Variants in SLIT3 observed in about 807,000 individuals in gnomAD.
The protein encoded by SLIT3 is slit homolog 3 protein.
SLIT3 carries 68 observed loss-of-function variants against 184.0 expected under a neutral mutation model. The ratio of observed to expected loss-of-function variants is 0.37; its 90% confidence interval spans 0.30 to 0.45. The LOEUF is 0.45. Among genes scored for constraint, SLIT3 ranks in the 20% least tolerant of loss-of-function variants. SLIT3 has a pLI of 1.00. For missense variants in SLIT3, 1,707 were observed against 2,026.0 expected, an observed-to-expected ratio of 0.84 and a Z score of 3.02; for synonymous variants, 831 against 828.6, an observed-to-expected ratio of 1.00 and a Z score of -0.05.
chr5:169,170,626 A>C (rs1335277343), intron 4 of SLIT3, among the ~76,000 whole-genome samples: 1 of 152,200 alleles, frequency 6.6e-6, no homozygotes, highest in Non-Finnish European at 1.5e-5. Flanking sequence ...CTTAGAGGAC[A>C]CCAAACCCTG....
At chr5:168,895,280 T>C (rs10069198) in intron 4 of SLIT3, among the ~76,000 whole-genome samples, 132,413 of 152,066 alleles carry the variant, frequency 0.87, 59,115 homozygotes, top group Non-Finnish European at 0.96. Context: ...TCTGTTCCAC[T>C]GAGGAAACAT....
At chr5:168,985,498 G>T (rs1755091652) in intron 4 of SLIT3, among the ~76,000 whole-genome samples, 1 of 152,178 alleles carries the variant, frequency 6.6e-6, no homozygotes, top group Admixed American at 6.5e-5. Flanking sequence ...CTGAGTGGTT[G>T]ACTGCTTGCC....
chr5:168,929,825 G>A (rs1030787161), intron 4 of SLIT3, among the ~76,000 whole-genome samples: 5 of 152,226 alleles, frequency 3.3e-5, no homozygotes, highest in South Asian at 2.1e-4. Context: ...TATGGGCCAC[G>A]GGGACATGGC....
At chr5:169,080,679 C>T (rs1410821267) in intron 4 of SLIT3, among the ~76,000 whole-genome samples, 1 of 152,162 alleles carries the variant, frequency 6.6e-6, no homozygotes, top group Non-Finnish European at 1.5e-5. Flanking sequence ...CCATCAGCCA[C>T]TCTACCATAC....
In SLIT3 at chr5:168,898,719, T is replaced by C. The variant is rs552820140; in HGVS notation, c.414-15383A>G. Among the ~76,000 whole-genome samples, 5 of 152,280 alleles carry C rather than the reference T, an allele frequency of 3.3e-5. No individual in the cohort carries two copies. In the South Asian group the frequency reaches 1.0e-3, roughly 32 times the overall value. On this transcript the variant is annotated intron_variant, in intron 4 of 35. Transcript: ENST00000519560. ...TTTTTGGAGAATGTATATAAAGTAATGGGGCCTATAATGGCTTGGCTTTGT... is the reference window on the plus strand; with the variant it reads ...TTTTTGGAGAATGTATATAAAGTAACGGGGCCTATAATGGCTTGGCTTTGT...
intron 4 of SLIT3, among the ~76,000 whole-genome samples, chr5:168,974,889 C>T (rs1754695919): frequency 6.6e-6 from 1 of 152,226 alleles, no homozygotes; most frequent in Non-Finnish European, 1.5e-5. Flanking sequence ...CATATTAGCA[C>T]ACCCCGGAGA....
chr5:169,128,854 T>C (rs911355128), intron 4 of SLIT3, among the ~76,000 whole-genome samples: 6 of 152,148 alleles, frequency 3.9e-5, no homozygotes, highest in African/African-American at 1.4e-4. Context: ...GGTGACAGCA[T>C]TGCACACTCC....
chr5:168,992,660 C>T (rs1755368106), intron 4 of SLIT3, among the ~76,000 whole-genome samples: 1 of 152,166 alleles, frequency 6.6e-6, no homozygotes, highest in African/African-American at 2.4e-5. Context: ...GCCTGGAGGG[C>T]ACCCATTTCC....
rs373632431 is a variant in SLIT3, at chr5:169,154,638, A to G, written c.413+38841T>C. 1.6e-3 allele frequency among the ~76,000 whole-genome samples: 242 copies of G among 152,368 alleles called. 1 individual carries two copies. Among genetic ancestry groups the G allele is most frequent in the African/African-American group, 5.7e-3 (236 of 41,588 alleles). Reference sequence around the variant, plus strand: ...CTCAATCACTTTATTCCTCATTAATAAAGTCAAGACAGCTTCATGGAATTA... The same window carrying G: ...CTCAATCACTTTATTCCTCATTAATGAAGTCAAGACAGCTTCATGGAATTA... On this transcript the variant is annotated intron_variant, in intron 4 of 35. Coordinates refer to ENST00000519560, the MANE Select transcript of SLIT3 (RefSeq NM_003062.4).
chr5:168,989,780 C>T (rs995868143), intron 4 of SLIT3, among the ~76,000 whole-genome samples: 1 of 152,192 alleles, frequency 6.6e-6, no homozygotes, highest in Non-Finnish European at 1.5e-5. Flanking sequence ...TCTGGATTTT[C>T]ACCCCAATGA....
At chr5:168,677,581 T>TG (rs1305805156) in intron 32 of SLIT3, among the ~76,000 whole-genome samples, 2 of 152,256 alleles carry the variant, frequency 1.3e-5, no homozygotes, top group Non-Finnish European at 2.9e-5. Context: ...CCCAAGTAGC[T>TG]GGGATTACAG....
chr5:169,256,437 T>C (rs963023351), intron 1 of SLIT3, among the ~76,000 whole-genome samples: 3 of 152,212 alleles, frequency 2.0e-5, no homozygotes, highest in African/African-American at 7.2e-5. Context: ...ATATCTCCTA[T>C]GTGTGTAGTA....
intron 4 of SLIT3, among the ~76,000 whole-genome samples, chr5:169,078,079 G>A (rs1003173755): frequency 6.6e-6 from 1 of 152,018 alleles, no homozygotes; most frequent in Non-Finnish European, 1.5e-5. Context: ...ATGATCTGGG[G>A]CCTTGTGTTC....
chr5:168,770,988 GC>G (rs1213952204), intron 14 of SLIT3, among the ~76,000 whole-genome samples: 1 of 150,982 alleles, frequency 6.6e-6, no homozygotes, highest in Non-Finnish European at 1.5e-5. Context: ...CTCTTTCCCT[GC>G]TGTGCCACGC....
intron 4 of SLIT3, among the ~76,000 whole-genome samples, chr5:168,899,403 A>C (rs1760790521): frequency 6.6e-6 from 1 of 152,180 alleles, no homozygotes; most frequent in Non-Finnish European, 1.5e-5. Flanking sequence ...AGTCCCAGCT[A>C]CTTGGGAGGC....
At chr5:169,183,464 C>A (rs1763236007) in intron 4 of SLIT3, among the ~76,000 whole-genome samples, 1 of 152,146 alleles carries the variant, frequency 6.6e-6, no homozygotes, top group African/African-American at 2.4e-5. Context: ...TCCTTTCTTG[C>A]AGTGAGGGAT....
At chr5:168,783,090 A>G (rs562324594) in intron 12 of SLIT3, among the ~76,000 whole-genome samples, 3 of 152,304 alleles carry the variant, frequency 2.0e-5, no homozygotes, top group South Asian at 4.1e-4. Context: ...GAGAGCGTGC[A>G]TGAGAGGGAT....
chr5:168,749,392 AGTATCTG>A, intron 19 of SLIT3, 73 bp downstream of exon 19: 2 of 1,506,756 alleles, frequency 1.3e-6, no homozygotes, highest in Non-Finnish European at 1.8e-6. Flanking sequence ...GATCTCAGGG[AGTATCTG>A]ATTGTGCATC....
chr5:168,908,500 T>C (rs901241917), intron 4 of SLIT3, among the ~76,000 whole-genome samples: 1 of 152,158 alleles, frequency 6.6e-6, no homozygotes, highest in African/African-American at 2.4e-5. Flanking sequence ...GAATTAATAG[T>C]GTCTCCAATT....
Sources: allele counts gnomAD v4.1 joint callset (sites outside exome capture counted in the v4.1 genomes callset), GRCh38; gene constraint gnomAD v4.1.1; transcripts MANE v1.5; gene names NCBI Gene and HGNC (gene_info 2026-07-23, HGNC 2026-07-21).